SAMD4A: variants seen among roughly 807,000 people sequenced by gnomAD.
SAMD4A encodes the protein protein Smaug homolog 1.
In SAMD4A, 33 loss-of-function variants were observed where a neutral mutation model predicts 81.3. The ratio of observed to expected loss-of-function variants is 0.41; its 90% CI spans 0.31 to 0.54. The LOEUF (loss-of-function observed/expected upper bound fraction) is 0.54. SAMD4A is among the 20% of genes least tolerant of loss of function. The pLI is 0.37. For synonymous variants in SAMD4A, 389 were observed against 382.1 expected (o/e 1.02, Z -0.21); for missense variants, 854 against 951.1 (o/e 0.90, Z 1.34).
intron 3 of SAMD4A, among the ~76,000 whole-genome samples, chr14:54,714,698 G>A (rs1250005471): frequency 6.6e-6 from 1 of 152,162 alleles, no homozygotes. Context: ...AGAAATGTGT[G>A]TAAAGCACTT....
intron 9 of SAMD4A, among the ~76,000 whole-genome samples, chr14:54,771,960 A>G (rs919831967): frequency 6.6e-6 from 1 of 152,216 alleles, no homozygotes; most frequent in African/African-American, 2.4e-5. Flanking sequence ...AAGGTTTGCC[A>G]GGTTGGAGTC....
At chr14:54,735,319 C>T (rs764591003) in intron 3 of SAMD4A, among the ~76,000 whole-genome samples, 7 of 151,856 alleles carry the variant, frequency 4.6e-5, no homozygotes, top group South Asian at 2.1e-4. Flanking sequence ...AGTTTCTTCC[C>T]GAGTCTATTT....
In SAMD4A at chr14:54,627,265, CT is replaced by C. The variant is rs574606861; in HGVS notation, c.196+59162del. ...GAATCAGATTGAGGGGTGCTTCTGA[CT>C]TTTTTTTTAAAGAAATTTTGTCATA... is the stretch of plus-strand genomic sequence containing the variant. On this transcript the variant is annotated intron_variant, in intron 2 of 12. Coordinates refer to ENST00000554335, the MANE Select transcript of SAMD4A (RefSeq NM_015589.6). 6.1e-3 allele frequency among the ~76,000 whole-genome samples: 925 copies of C among 151,390 alleles called. 5 individuals are homozygous for C. Among genetic ancestry groups the C allele is most frequent in the Middle Eastern group, 0.02 (6 of 294 alleles).
intron 11 of SAMD4A, among the ~76,000 whole-genome samples, chr14:54,783,126 C>T (rs950328199): frequency 2.0e-5 from 3 of 146,710 alleles, no homozygotes; most frequent in Non-Finnish European, 4.5e-5. Flanking sequence ...TAGGATTTTG[C>T]AATTCTTTTC....
chr14:54,716,422 A>G (rs1371572080), intron 3 of SAMD4A, among the ~76,000 whole-genome samples: 4 of 152,314 alleles, frequency 2.6e-5, no homozygotes, highest in African/African-American at 9.6e-5. Context: ...TACTCTCTGT[A>G]TCTCTTGTTA....
chr14:54,779,681 T>C (rs1484698073), intron 11 of SAMD4A, among the ~76,000 whole-genome samples: 1 of 141,230 alleles, frequency 7.1e-6, no homozygotes, highest in African/African-American at 3.0e-5. Flanking sequence ...GGACAAGCTT[T>C]TTTTTTTTTT....
chr14:54,619,872 A>G (rs1253776218), intron 2 of SAMD4A, among the ~76,000 whole-genome samples: 1 of 152,182 alleles, frequency 6.6e-6, no homozygotes, highest in African/African-American at 2.4e-5. Flanking sequence ...TACTCAGCCT[A>G]TTTTGTTTTA....
At chr14:54,653,301 ATATTATTATTAT>A (rs71448404) in intron 2 of SAMD4A, among the ~76,000 whole-genome samples, 9,652 of 130,312 alleles carry the variant, frequency 0.074, 422 homozygotes, top group Non-Finnish European at 0.084. Flanking sequence ...CTTCCTCTTA[ATATTATTATTAT>A]TATTATTATT....
At chr14:54,571,640 TCCTATA>T (rs2033131852) in intron 2 of SAMD4A, among the ~76,000 whole-genome samples, 1 of 152,198 alleles carries the variant, frequency 6.6e-6, no homozygotes, top group African/African-American at 2.4e-5. Flanking sequence ...GACAATAAAT[TCCTATA>T]CTTATAGTTA....
chr14:54,582,902 GA>G (rs1169302431), intron 2 of SAMD4A, among the ~76,000 whole-genome samples: 8 of 152,280 alleles, frequency 5.3e-5, no homozygotes, highest in African/African-American at 1.9e-4. Flanking sequence ...AAGTTTATGA[GA>G]GTAAAGTGTG....
chr14:54,579,635 G>T (rs1259988326), intron 2 of SAMD4A, among the ~76,000 whole-genome samples: 1 of 152,060 alleles, frequency 6.6e-6, no homozygotes, highest in Non-Finnish European at 1.5e-5. Context: ...GCTTGGTATG[G>T]CTTAGCTTTG....
intron 2 of SAMD4A, among the ~76,000 whole-genome samples, chr14:54,660,096 G>A (rs535709035): frequency 0.015 from 2,318 of 150,750 alleles, 40 homozygotes; most frequent in African/African-American, 0.053. Flanking sequence ...AAAAAAAAAA[G>A]GGCCTTTTGT....
chr14:54,779,306 C>G (rs1234171842), intron 11 of SAMD4A, among the ~76,000 whole-genome samples: 2 of 152,126 alleles, frequency 1.3e-5, no homozygotes, highest in Admixed American at 6.5e-5. Flanking sequence ...ATAGTGAACA[C>G]AAAATGAAAT....
intron 2 of SAMD4A, among the ~76,000 whole-genome samples, chr14:54,654,534 G>C (rs187761557): frequency 3.9e-4 from 60 of 152,294 alleles, no homozygotes; most frequent in African/African-American, 1.4e-3. Flanking sequence ...GTTTAACATA[G>C]TGTTTAGCTT....
intron 2 of SAMD4A, among the ~76,000 whole-genome samples, chr14:54,667,624 C>G (rs995227801): frequency 1.3e-5 from 2 of 152,226 alleles, no homozygotes; most frequent in African/African-American, 2.4e-5. Context: ...TGCCTTCTCC[C>G]TGTCACCCAG....
intron 11 of SAMD4A, among the ~76,000 whole-genome samples, chr14:54,780,747 G>A (rs1329616662): frequency 6.6e-6 from 1 of 152,124 alleles, no homozygotes; most frequent in East Asian, 1.9e-4. Context: ...TTTTGTGAAA[G>A]CGTTGGTCCC....
At position 54,788,959 on chromosome 14, in the gene SAMD4A, AG is replaced by A; in HGVS notation, c.*16del. 4 of 1,614,024 alleles carry A rather than the reference AG, an allele frequency of 2.5e-6. No individual in the cohort carries two copies. In the Admixed American group the frequency reaches 5.0e-5, roughly 20 times the overall value. On this transcript the variant is annotated 3_prime_UTR_variant, in exon 13 of 13. Coordinates refer to ENST00000554335, the MANE Select transcript of SAMD4A (RefSeq NM_015589.6). ...CCACCATCTAGAAGCTGAAGACGAG[AG>A]TGACCGCGCTGGCCGTGAAATCGAC...
At chr14:54,691,763 C>T (rs2036449462) in intron 2 of SAMD4A, among the ~76,000 whole-genome samples, 2 of 152,132 alleles carry the variant, frequency 1.3e-5, no homozygotes, top group South Asian at 2.1e-4. Context: ...AGGGCTGTGC[C>T]CCAGGAGGAC....
chr14:54,721,643 C>T (rs1000905310), intron 3 of SAMD4A, among the ~76,000 whole-genome samples: 82 of 152,276 alleles, frequency 5.4e-4, no homozygotes, highest in African/African-American at 1.9e-3. Context: ...GATCACGTTG[C>T]CACATGGAAG....
Sources: gnomAD v4.1 joint callset for allele counts (sites outside exome capture counted in the v4.1 genomes callset) on GRCh38, gnomAD v4.1.1 for gene constraint, MANE v1.5 for transcripts, NCBI Gene and HGNC (gene_info 2026-07-23, HGNC 2026-07-21) for gene names.